The following MLLT10 variants were observed in gnomAD, a reference collection of about 807,000 sequenced individuals.
MLLT10 encodes protein AF-10.
In MLLT10, 30 loss-of-function variants were observed where a neutral mutation model predicts 129.1. The ratio of observed to expected loss-of-function variants is 0.23; its 90% CI spans 0.17 to 0.32. MLLT10 has a LOEUF of 0.32. Ranked by LOEUF, MLLT10 falls within the 10% of genes least tolerant of loss-of-function variation. MLLT10 has a pLI of 1.00. For synonymous variants in MLLT10, 490 were observed against 446.4 expected, an observed-to-expected ratio of 1.10 and a Z score of -1.23; for missense variants, 1,119 against 1,268.3, an observed-to-expected ratio of 0.88 and a Z score of 1.79.
At chr10:21,541,302 T>G (rs532111924) in intron 3 of MLLT10, 1 of 152,274 alleles carries the variant, frequency 6.6e-6, no homozygotes, top group East Asian at 1.9e-4. Flanking sequence ...ACTGCAGCCT[T>G]GAAGTCCTGA....
intron 3 of MLLT10, among the ~76,000 whole-genome samples, chr10:21,567,301 T>A (rs1278076502): frequency 6.6e-6 from 1 of 152,230 alleles, no homozygotes; most frequent in Non-Finnish European, 1.5e-5. Context: ...ATCTACCTTG[T>A]CTGTGTTGAC....
chr10:21,551,528 T>G (rs561453637), intron 3 of MLLT10, among the ~76,000 whole-genome samples: 1 of 152,084 alleles, frequency 6.6e-6, no homozygotes, highest in African/African-American at 2.4e-5. Context: ...GTGCTTACCA[T>G]CATAGACCGA....
intron 13 of MLLT10, among the ~76,000 whole-genome samples, chr10:21,699,041 A>AT (rs1279581673): frequency 6.6e-6 from 1 of 151,948 alleles, no homozygotes; most frequent in African/African-American, 2.4e-5. Context: ...TGCCCAGCTA[A>AT]TTTTTGTACT....
intron 3 of MLLT10, among the ~76,000 whole-genome samples, chr10:21,558,906 A>C (rs2038429118): frequency 6.6e-6 from 1 of 152,134 alleles, no homozygotes; most frequent in Admixed American, 6.6e-5. Flanking sequence ...TGGATACAAG[A>C]TACCAGAAAG....
chr10:21,540,660 A>C (rs762518546), intron 3 of MLLT10, among the ~76,000 whole-genome samples: 1 of 152,356 alleles, frequency 6.6e-6, no homozygotes, highest in African/African-American at 2.4e-5. Flanking sequence ...CAAACCTACC[A>C]TTTAAAATAT....
At position 21,735,340 on chromosome 10, in the gene MLLT10, C is replaced by T. The variant is rs1269463948; in HGVS notation, c.2955+105C>T. 3.0e-6 allele frequency: 3 copies of T among 1,004,110 alleles called. No homozygotes were observed. The Admixed American group carries it at 7.0e-5, about 24-fold the overall frequency. The allele number at this position is 1,004,110 out of a possible 1,614,324, so 62.2% of individuals were successfully genotyped here. A position where few individuals can be genotyped will look rare whatever the true frequency, so the allele number is the denominator to read the frequency against. On this transcript the variant is annotated intron_variant, in intron 21 of 22. Coordinates refer to ENST00000307729, the MANE Select transcript of MLLT10 (RefSeq NM_001195626.3). ...CTTTGTGAAATAACATTATTGAATG[C>T]ATAATCAAAAAAGTTTTTCTTGCCA...
chr10:21,734,111 C>T lies in MLLT10; in HGVS notation c.2840C>T (p.Pro947Leu), dbSNP rs759557445. ...CCACCTAATGCAACACATCCAATGC[C>T]AGCTACACTGACTAACAGGTAAGAA... is the stretch of plus-strand genomic sequence containing the variant. Reference protein sequence around the residue: ...TVPPNATHPMPATLTNSASGL... With the variant: ...TVPPNATHPMLATLTNSASGL... Residue 947 changes from proline (P) to leucine (L), a missense_variant, in exon 20 of 23, where the codon CCA becomes CTA. Physicochemically the swap from Pro to Leu is moderately conservative, Grantham distance 98. Around this residue, in one of 5 missense-constraint regions of MLLT10, gnomAD observed 1,004 missense variants for 1,008.7 expected, o/e 1.00. Coordinates refer to ENST00000307729, the MANE Select transcript of MLLT10 (RefSeq NM_001195626.3). 1.9e-6 allele frequency: 3 copies of T among 1,606,794 alleles called. No individual in the cohort carries two copies. The highest frequency in any genetic ancestry group is 4.5e-5 in the East Asian group (2 of 44,798).
At chr10:21,659,927 G>A (rs1051632418) in intron 9 of MLLT10, among the ~76,000 whole-genome samples, 2 of 152,048 alleles carry the variant, frequency 1.3e-5, no homozygotes, top group Non-Finnish European at 2.9e-5. Flanking sequence ...TTCCTTGCTA[G>A]TGTATAAAAA....
intron 13 of MLLT10, among the ~76,000 whole-genome samples, chr10:21,713,249 T>C (rs138214690): frequency 1.3e-5 from 2 of 152,348 alleles, no homozygotes; most frequent in African/African-American, 4.8e-5. Context: ...TTCCCACACC[T>C]GTCTCCCACC....
At chr10:21,712,098 G>A (rs1564697923) in intron 13 of MLLT10, among the ~76,000 whole-genome samples, 1 of 152,088 alleles carries the variant, frequency 6.6e-6, no homozygotes, top group Admixed American at 6.5e-5. Flanking sequence ...AGATCCCGAC[G>A]CCTTAATTAT....
At chr10:21,636,638 G>A (rs560714872) in intron 8 of MLLT10, among the ~76,000 whole-genome samples, 1 of 151,180 alleles carries the variant, frequency 6.6e-6, no homozygotes, top group South Asian at 2.1e-4. Flanking sequence ...GCAGTGGTGC[G>A]ATCTTAGCTC....
chr10:21,701,170 C>A (rs1452954693), intron 13 of MLLT10, among the ~76,000 whole-genome samples: 2 of 151,630 alleles, frequency 1.3e-5, no homozygotes, highest in Admixed American at 1.3e-4. Flanking sequence ...TGTAATGTCT[C>A]CTTTTTCAAT....
rs571747232 is a variant in MLLT10 at position 21,727,693 on chromosome 10, C to A, written c.1991-163C>A. ...GGACAACGCCTTACATGCCACAGTTCAGCAATTCTGAACTAGCAACATGCT... is the reference window on the plus strand; with the variant it reads ...GGACAACGCCTTACATGCCACAGTTAAGCAATTCTGAACTAGCAACATGCT... On this transcript the variant is annotated intron_variant, in intron 15 of 22. Coordinates refer to ENST00000307729, the MANE Select transcript of MLLT10 (RefSeq NM_001195626.3). Among the ~76,000 whole-genome samples, 3 of 152,204 alleles carry A rather than the reference C, an allele frequency of 2.0e-5. No homozygotes were observed. The East Asian group carries it at 5.8e-4, about 29-fold the overall frequency.
intron 13 of MLLT10, among the ~76,000 whole-genome samples, chr10:21,712,521 T>C (rs1347333700): frequency 6.6e-6 from 1 of 152,246 alleles, no homozygotes; most frequent in Non-Finnish European, 1.5e-5. Flanking sequence ...TTTATTTATT[T>C]ATTTCTTTTT....
chr10:21,578,647 A>C (rs1335911161), intron 3 of MLLT10, among the ~76,000 whole-genome samples: 1 of 152,172 alleles, frequency 6.6e-6, no homozygotes, highest in East Asian at 1.9e-4. Flanking sequence ...TAGTATCAGG[A>C]AGGGTTTCAA....
At chr10:21,670,111 T>TA (rs149824486) in intron 9 of MLLT10, among the ~76,000 whole-genome samples, 35 of 151,296 alleles carry the variant, frequency 2.3e-4, no homozygotes, top group Non-Finnish European at 4.4e-4. Flanking sequence ...TAGACATTGT[T>TA]AAAAAAAAAT....
chr10:21,546,071 A>T (rs2036026741), intron 3 of MLLT10, among the ~76,000 whole-genome samples: 1 of 152,176 alleles, frequency 6.6e-6, no homozygotes, highest in Non-Finnish European at 1.5e-5. Context: ...AAGAATTTTT[A>T]AAAATTAAAT....
chr10:21,620,317 T>A (rs2045682129), intron 8 of MLLT10, among the ~76,000 whole-genome samples: 1 of 152,208 alleles, frequency 6.6e-6, no homozygotes, highest in South Asian at 2.1e-4. Flanking sequence ...ACGCTCATAA[T>A]CAAGTCAGAC....
chr10:21,738,584 G>A lies in MLLT10; in HGVS notation c.2956-1446G>A, dbSNP rs1016315288. 1.2e-5 allele frequency: 15 copies of A among 1,244,128 alleles called. No individual in the cohort carries two copies. The African/African-American group carries it at 1.2e-4, about 10-fold the overall frequency. 77.1% of individuals were successfully genotyped at this position (1,244,128 alleles called of 1,614,324 possible). On this transcript the variant is annotated intron_variant, in intron 21 of 22. Coordinates refer to ENST00000307729, the MANE Select transcript of MLLT10 (RefSeq NM_001195626.3). Reference sequence around the variant, plus strand: ...AGGTGAGGATTTTTTGGAAGCCTCCGCACAGCTTCCGCTCGACACTCTTGC... The same window carrying A: ...AGGTGAGGATTTTTTGGAAGCCTCCACACAGCTTCCGCTCGACACTCTTGC...
Sources: allele counts gnomAD v4.1 joint callset (sites outside exome capture counted in the v4.1 genomes callset), GRCh38; gene constraint gnomAD v4.1.1; regional missense constraint gnomAD v4.1.1; transcripts MANE v1.5; gene names NCBI Gene and HGNC (gene_info 2026-07-23, HGNC 2026-07-21).